The following TMEM170B variants were observed in gnomAD, a reference collection of about 807,000 sequenced individuals.
The protein encoded by TMEM170B is transmembrane protein 170B.
Under a neutral mutation model 13.0 loss-of-function variants are expected in TMEM170B, and 6 were observed. That is an observed-to-expected ratio of 0.46 (90% CI 0.25 to 0.91). TMEM170B has a LOEUF of 0.91. Ranked by LOEUF, TMEM170B falls within the 40% of genes least tolerant of loss-of-function variation. The pLI, the probability that TMEM170B is intolerant of heterozygous loss-of-function variation, is 0.17. For missense variants in TMEM170B, 138 were observed against 165.2 expected, an observed-to-expected ratio of 0.84 and a Z score of 0.90; for synonymous variants, 61 against 64.9, an observed-to-expected ratio of 0.94 and a Z score of 0.29.
At chr6:11,571,478 A>G (rs1759801090) in intron 2 of TMEM170B, among the ~76,000 whole-genome samples, 1 of 151,958 alleles carries the variant, frequency 6.6e-6, no homozygotes, top group Admixed American at 6.6e-5. Context: ...AGTTTTGTAT[A>G]TTTTACTCAC....
intron 1 of TMEM170B, among the ~76,000 whole-genome samples, chr6:11,539,191 C>T (rs547903083): frequency 6.6e-6 from 1 of 152,262 alleles, no homozygotes; most frequent in African/African-American, 2.4e-5. Flanking sequence ...GAAATGCTTA[C>T]ATTATACTTT....
intron 1 of TMEM170B, among the ~76,000 whole-genome samples, chr6:11,560,322 G>A (rs988789746): frequency 6.2e-5 from 7 of 113,272 alleles, no homozygotes; most frequent in Admixed American, 9.8e-5. Flanking sequence ...CCGCCACCAC[G>A]CCCAGCTATT....
In TMEM170B at chr6:11,575,751, C is replaced by A. The variant is rs1759866551; in HGVS notation, c.*190C>A. ...CAAGTGATTGCACTACCGCACTGCA[C>A]CTTATGTGCCTCTGTCTCAGGCAAG... On this transcript the variant is annotated 3_prime_UTR_variant, in exon 3 of 3. Coordinates refer to ENST00000379426, the MANE Select transcript of TMEM170B (RefSeq NM_001100829.3). The surrounding 1 kb of genome is among the most constrained non-coding windows in gnomAD (Gnocchi z 4.1). 5.3e-6 allele frequency: 3 copies of A among 560,824 alleles called. No homozygotes were observed. 34.7% of individuals were successfully genotyped at this position (560,824 alleles called of 1,614,324 possible).
At chr6:11,567,429 A>C (rs2113779159) in intron 2 of TMEM170B, among the ~76,000 whole-genome samples, 1 of 152,294 alleles carries the variant, frequency 6.6e-6, no homozygotes, top group Admixed American at 6.5e-5. Flanking sequence ...CCTCAGAGAT[A>C]AGAAGGCAAC....
At chr6:11,573,528 G>A (rs1759832300) in intron 2 of TMEM170B, among the ~76,000 whole-genome samples, 1 of 152,164 alleles carries the variant, frequency 6.6e-6, no homozygotes, top group Non-Finnish European at 1.5e-5. Context: ...AGGCATGGGA[G>A]GCTGTGATTG....
intron 1 of TMEM170B, among the ~76,000 whole-genome samples, chr6:11,547,650 T>C (rs1363257499): frequency 6.6e-6 from 1 of 152,206 alleles, no homozygotes; most frequent in Non-Finnish European, 1.5e-5. Context: ...ATGAAAATGC[T>C]ATAATTTTTA....
At position 11,579,298 on chromosome 6, in the gene TMEM170B, A is replaced by G. The variant is rs1443445867; in HGVS notation, c.*3737A>G. 1.3e-5 allele frequency: 2 copies of G among 152,200 alleles called. No homozygotes were observed. The highest frequency in any genetic ancestry group is 2.9e-5 in the Non-Finnish European group (2 of 68,034). 9.4% of individuals were successfully genotyped at this position (152,200 alleles called of 1,614,324 possible). On this transcript the variant is annotated 3_prime_UTR_variant, in exon 3 of 3. Coordinates refer to ENST00000379426, the MANE Select transcript of TMEM170B (RefSeq NM_001100829.3). ...TTGTCAACTTTTTGACCTTGAGCAA[A>G]TCACTTAACTTCTCTGAGCCTCAGT...
Position 11,538,301 on chromosome 6 carries a change from C to T in TMEM170B, c.24C>T (p.His8=), listed in dbSNP as rs821443. The part of the protein sequence containing the change: MKAEGGD[H]SMINLSVQQV... ...AGATGAAGGCGGAGGGGGGCGACCA[C>T]TCCATGATCAACCTGTCGGTGCAGC... Residue 8 remains histidine, a synonymous_variant, in exon 1 of 3, where the codon CAC becomes CAT. Transcript: ENST00000379426. 0.26 allele frequency: 389,383 copies of T among 1,476,376 alleles called. 55,072 individuals are homozygous for T. Among genetic ancestry groups the T allele is most frequent in the South Asian group, 0.45 (32,298 of 71,080 alleles). 91.5% of individuals were successfully genotyped at this position (1,476,376 alleles called of 1,614,324 possible).
Position 11,578,434 on chromosome 6 carries a change from T to C in TMEM170B, c.*2873T>C, listed in dbSNP as rs1038592682. 3 of 152,176 alleles carry C rather than the reference T, an allele frequency of 2.0e-5. No individual in the cohort carries two copies. The East Asian group carries it at 5.8e-4, about 29-fold the overall frequency. 9.4% of individuals were successfully genotyped at this position (152,176 alleles called of 1,614,324 possible). The stretch of plus-strand genomic sequence containing the variant: ...GCTCCCCAAAGAAGGAACTCCTACA[T>C]GCCCAAACTAATTACAGTTGAACAT... On this transcript the variant is annotated 3_prime_UTR_variant, in exon 3 of 3. Transcript: ENST00000379426.
At position 11,575,732 on chromosome 6, in the gene TMEM170B, A is replaced by G. The variant is rs988690043; in HGVS notation, c.*171A>G. On this transcript the variant is annotated 3_prime_UTR_variant, in exon 3 of 3. Coordinates refer to ENST00000379426, the MANE Select transcript of TMEM170B (RefSeq NM_001100829.3). This position sits in a 1 kb window ranked among gnomAD's most constrained non-coding sequence, Gnocchi z 4.1. ...AGGATTGCCCTCTGGTGTTCAAGTG[A>G]TTGCACTACCGCACTGCACCTTATG... 3 of 694,146 alleles carry G rather than the reference A, an allele frequency of 4.3e-6. No homozygotes were observed. The African/African-American group carries it at 5.4e-5, about 12-fold the overall frequency. The allele number at this position is 694,146 out of a possible 1,614,324, so 43.0% of individuals were successfully genotyped here.
At chr6:11,566,793 G>A (rs1243003333) in intron 2 of TMEM170B, among the ~76,000 whole-genome samples, 1 of 152,156 alleles carries the variant, frequency 6.6e-6, no homozygotes, top group African/African-American at 2.4e-5. Context: ...CCGCATGCGC[G>A]GTGTCCTCTT....
chr6:11,538,726 C>A (rs574888893), intron 1 of TMEM170B, among the ~76,000 whole-genome samples: 2 of 152,244 alleles, frequency 1.3e-5, no homozygotes, highest in East Asian at 1.9e-4. Flanking sequence ...CTCCCCTCCC[C>A]CTTCTACACA....
intron 1 of TMEM170B, among the ~76,000 whole-genome samples, chr6:11,562,866 A>G (rs1759687467): frequency 6.6e-6 from 1 of 152,162 alleles, no homozygotes; most frequent in Non-Finnish European, 1.5e-5. Context: ...CATTACCACA[A>G]AGATCACTCA....
chr6:11,549,619 C>T (rs1168685011), intron 1 of TMEM170B, among the ~76,000 whole-genome samples: 3 of 151,258 alleles, frequency 2.0e-5, no homozygotes, highest in Non-Finnish European at 4.4e-5. Flanking sequence ...GCCGAGATGG[C>T]GCCACTGCAC....
intron 1 of TMEM170B, among the ~76,000 whole-genome samples, chr6:11,541,050 C>T (rs1360176401): frequency 6.6e-6 from 1 of 152,116 alleles, no homozygotes; most frequent in African/African-American, 2.4e-5. Flanking sequence ...GATGTACTGT[C>T]ATCCAGGCTT....
At chr6:11,550,777 C>CT (rs945341521) in intron 1 of TMEM170B, among the ~76,000 whole-genome samples, 27 of 152,266 alleles carry the variant, frequency 1.8e-4, no homozygotes, top group African/African-American at 6.3e-4. Flanking sequence ...TACGGAGTGT[C>CT]TAAGCCATGA....
Position 11,578,041 on chromosome 6 carries a change from A to G in TMEM170B, c.*2480A>G, listed in dbSNP as rs1407187711. Reference sequence around the variant, plus strand: ...ATATATATACACACACGTATATATCATTATATAGGTATATAGAGAGCTGCT... The same window carrying G: ...ATATATATACACACACGTATATATCGTTATATAGGTATATAGAGAGCTGCT... On this transcript the variant is annotated 3_prime_UTR_variant, in exon 3 of 3. Coordinates refer to ENST00000379426, the MANE Select transcript of TMEM170B (RefSeq NM_001100829.3). 6.6e-6 allele frequency: 1 copy of G among 152,166 alleles called. No homozygotes were observed. Among genetic ancestry groups the G allele is most frequent in the Non-Finnish European group, 1.5e-5 (1 of 67,980 alleles). The allele number at this position is 152,166 out of a possible 1,614,324, so 9.4% of individuals were successfully genotyped here. A position where few individuals can be genotyped will look rare whatever the true frequency, so the allele number is the denominator to read the frequency against.
chr6:11,554,640 A>G (rs1047457761), intron 1 of TMEM170B, among the ~76,000 whole-genome samples: 1 of 152,116 alleles, frequency 6.6e-6, no homozygotes, highest in Admixed American at 6.5e-5. Flanking sequence ...CTGTTTAATT[A>G]TGGGTATTGT....
At chr6:11,569,386 G>T (rs1159648747) in intron 2 of TMEM170B, among the ~76,000 whole-genome samples, 3 of 152,106 alleles carry the variant, frequency 2.0e-5, no homozygotes, top group Non-Finnish European at 4.4e-5. Flanking sequence ...ATTGCCAAAA[G>T]ATATTCTGAT....
Sources: allele counts gnomAD v4.1 joint callset (sites outside exome capture counted in the v4.1 genomes callset), GRCh38; gene constraint gnomAD v4.1.1; non-coding constraint Gnocchi (gnomAD v3.1); transcripts MANE v1.5; gene names NCBI Gene and HGNC (gene_info 2026-07-23, HGNC 2026-07-21).